The following JAKMIP3 variants were observed in gnomAD, a reference collection of about 807,000 sequenced individuals.
JAKMIP3 encodes the protein Janus kinase and microtubule interacting protein 3.
In JAKMIP3, 58 loss-of-function variants were observed where a neutral mutation model predicts 118.5. That is an observed-to-expected ratio of 0.49 (90% CI 0.40 to 0.61). The LOEUF is 0.61. Ranked by LOEUF, JAKMIP3 falls within the 20% of genes least tolerant of loss-of-function variation. The pLI, the probability that JAKMIP3 is intolerant of heterozygous loss-of-function variation, is 0.00. For missense variants in JAKMIP3, 950 were observed against 1,109.0 expected, an observed-to-expected ratio of 0.86 and a Z score of 2.04; for synonymous variants, 486 against 451.2, an observed-to-expected ratio of 1.08 and a Z score of -0.98.
intron 1 of JAKMIP3, among the ~76,000 whole-genome samples, chr10:132,103,457 G>A (rs1426959314): frequency 2.0e-5 from 1 of 49,632 alleles, no homozygotes; most frequent in African/African-American, 8.1e-5. Context: ...GAGCAGCTGG[G>A]GGGGGGAGGA....
rs185522229 is a variant in JAKMIP3 at position 132,149,405 on chromosome 10, G to C, written c.1849-7G>C. The C allele has an allele frequency of 9.5e-6, 15 of 1,577,398 alleles. No individual in the cohort carries two copies. Among genetic ancestry groups the C allele is most frequent in the Non-Finnish European group, 1.3e-5 (15 of 1,156,152 alleles). ...GAGCGGCTCACCCTTCTGTCCCTCT[G>C]TCCTAGGAGAGGGAGAGGAAGTCAC... On this transcript the variant is annotated splice_polypyrimidine_tract_variant and splice_region_variant and intron_variant, in intron 14 of 23. Coordinates refer to ENST00000684848, the MANE Select transcript of JAKMIP3 (RefSeq NM_001323087.2).
chr10:132,055,028 C>T (rs369961692), intron 1 of JAKMIP3, among the ~76,000 whole-genome samples: 8 of 152,080 alleles, frequency 5.3e-5, no homozygotes, highest in African/African-American at 1.7e-4. Flanking sequence ...GAGGATCCTC[C>T]GGTGCACTTG....
In JAKMIP3 at chr10:132,049,689, G is replaced by A. The variant is rs112354503; in HGVS notation, c.-138+12951G>A. On this transcript the variant is annotated intron_variant, in intron 1 of 23. Coordinates refer to the JAKMIP3 transcript ENST00000657785. This position sits in a 1 kb window ranked among gnomAD's most constrained non-coding sequence, Gnocchi z 4.3. ...AAAGTGGGGGAGGTCTCACTATGCT[G>A]CCCAGGCTGGCCTCCAACTCCTGAA... 3.3e-5 allele frequency among the ~76,000 whole-genome samples: 5 copies of A among 152,164 alleles called. No individual in the cohort carries two copies. The highest frequency in any genetic ancestry group is 9.6e-5 in the African/African-American group (4 of 41,528).
chr10:132,134,937 C>A (rs1005428849), intron 4 of JAKMIP3, 104 bp from the exon 5 acceptor site: 4 of 1,385,446 alleles, frequency 2.9e-6, no homozygotes, highest in Non-Finnish European at 4.0e-6. Flanking sequence ...GGTAAAGGCG[C>A]GCGTCCCACG....
intron 19 of JAKMIP3, among the ~76,000 whole-genome samples, chr10:132,159,670 G>GC (rs2057720480): frequency 3.4e-5 from 4 of 118,764 alleles, no homozygotes; most frequent in African/African-American, 1.0e-4. Context: ...GATGCTGGGG[G>GC]GTCCTCTCCC....
At chr10:132,146,556 G>C (rs2054647306) in intron 13 of JAKMIP3, among the ~76,000 whole-genome samples, 1 of 152,204 alleles carries the variant, frequency 6.6e-6, no homozygotes, top group Admixed American at 6.5e-5. Context: ...ACTTGTCCAT[G>C]GGCAGGGACA....
At chr10:132,155,226 A>G (rs981495735) in intron 19 of JAKMIP3, among the ~76,000 whole-genome samples, 1 of 151,098 alleles carries the variant, frequency 6.6e-6, no homozygotes, top group Non-Finnish European at 1.5e-5. Flanking sequence ...GATGATGGTG[A>G]TGATGGTGGT....
In JAKMIP3 at chr10:132,038,810, A is replaced by AC. The variant is rs1554908784; in HGVS notation, c.-138+2074dup. On this transcript the variant is annotated intron_variant, in intron 1 of 23. Coordinates refer to the JAKMIP3 transcript ENST00000657785. Reference sequence around the variant, plus strand: ...TGTCTCAAAAAAAAAAAAAAAAAAAACCATCATAAACATACTTGCTGCATG... The same window carrying AC: ...TGTCTCAAAAAAAAAAAAAAAAAAAACCCATCATAAACATACTTGCTGCATG... Among the ~76,000 whole-genome samples the AC allele has an allele frequency of 2.9e-3, 397 of 139,066 alleles. 1 individual carries two copies. Among genetic ancestry groups the AC allele is most frequent in the African/African-American group, 6.5e-3 (242 of 37,394 alleles). 91.2% of individuals were successfully genotyped at this position (139,066 alleles called of 152,430 possible). A position where few individuals can be genotyped will look rare whatever the true frequency, so the allele number is the denominator to read the frequency against.
rs577224094 is a variant in JAKMIP3 at position 132,168,221 on chromosome 10, C to T, written c.*291C>T. ...TGGACCCTGGGTCCCTTCTCCCGGACGGCAGCCCCCATCCCATTTCCAGGG... is the reference window on the plus strand; with the variant it reads ...TGGACCCTGGGTCCCTTCTCCCGGATGGCAGCCCCCATCCCATTTCCAGGG... On this transcript the variant is annotated 3_prime_UTR_variant, in exon 23 of 24. Coordinates refer to ENST00000684848, the MANE Select transcript of JAKMIP3 (RefSeq NM_001323087.2). 1,163 of 1,289,020 alleles carry T rather than the reference C, an allele frequency of 9.0e-4. 12 individuals carry two copies. Among genetic ancestry groups the T allele is most frequent in the Admixed American group, 4.4e-4 (19 of 43,512 alleles). 79.8% of individuals were successfully genotyped at this position (1,289,020 alleles called of 1,614,324 possible).
At chr10:132,180,767 G>GTGTGTGTATGCA (rs1554963472) in intron 23 of JAKMIP3, among the ~76,000 whole-genome samples, 2 of 29,458 alleles carry the variant, frequency 6.8e-5, no homozygotes, top group African/African-American at 2.6e-4. Context: ...GTGCGTGTGT[G>GTGTGTGTATGCA]TGCGTGTGTG....
intron 19 of JAKMIP3, among the ~76,000 whole-genome samples, chr10:132,159,733 T>A (rs2057751271): frequency 1.2e-5 from 1 of 83,770 alleles, no homozygotes; most frequent in Non-Finnish European, 2.2e-5. Context: ...CATGTCTTCC[T>A]GTGTGATACT....
At chr10:132,180,451 T>C (rs114360614) in intron 23 of JAKMIP3, among the ~76,000 whole-genome samples, 5,250 of 132,754 alleles carry the variant, frequency 0.04, 430 homozygotes, top group African/African-American at 0.14. Context: ...GAAGATCACG[T>C]TCCCTAGAAG....
chr10:132,173,001 CTCTCT>C (rs2059680415), intron 23 of JAKMIP3, among the ~76,000 whole-genome samples: 1 of 58,880 alleles, frequency 1.7e-5, no homozygotes, highest in Non-Finnish European at 3.7e-5. Context: ...CTCTCCTTCC[CTCTCT>C]CTCTCTCTCC....
chr10:132,105,054 C>G, intron 2 of JAKMIP3, 111 bp downstream of exon 2: 2 of 1,308,542 alleles, frequency 1.5e-6, no homozygotes, highest in Non-Finnish European at 2.1e-6. Flanking sequence ...AAACCCCCAC[C>G]CAGTCCTAAA....
chr10:132,140,357 C>T (rs559054103), intron 9 of JAKMIP3, 94 bp from the exon 10 acceptor site: 174 of 1,528,898 alleles, frequency 1.1e-4, no homozygotes, highest in Non-Finnish European at 1.4e-4. Flanking sequence ...GGTGGGGCTG[C>T]GGCCCCCACC....
chr10:132,052,888 C>A (rs1199139232), intron 1 of JAKMIP3, among the ~76,000 whole-genome samples: 2 of 152,190 alleles, frequency 1.3e-5, no homozygotes, highest in African/African-American at 4.8e-5. Flanking sequence ...TTGCTGTGAA[C>A]CTAAAACTGC....
chr10:132,151,827 G>T (rs1439574921), intron 16 of JAKMIP3, among the ~76,000 whole-genome samples: 1 of 152,232 alleles, frequency 6.6e-6, no homozygotes. Context: ...GACAGAGGAG[G>T]TTGGATACTG....
chr10:132,180,052 C>T (rs1379023030), intron 23 of JAKMIP3, among the ~76,000 whole-genome samples: 1 of 152,106 alleles, frequency 6.6e-6, no homozygotes. Context: ...TTGTGCGCCC[C>T]CCACCCACTA....
chr10:132,046,251 A>G (rs147546952), intron 1 of JAKMIP3, among the ~76,000 whole-genome samples: 4,086 of 152,230 alleles, frequency 0.027, 78 homozygotes, highest in Middle Eastern at 0.044. Flanking sequence ...TCAGGAGATC[A>G]AGACCATCCT....
Sources: gnomAD v4.1 joint callset for allele counts (sites outside exome capture counted in the v4.1 genomes callset) on GRCh38, gnomAD v4.1.1 for gene constraint, Gnocchi (gnomAD v3.1) non-coding constraint, MANE v1.5 for transcripts, NCBI Gene and HGNC (gene_info 2026-07-23, HGNC 2026-07-21) for gene names.